ANKRD13C: variants seen among roughly 807,000 people sequenced by gnomAD.
ANKRD13C encodes the protein ankyrin repeat domain-containing protein 13C.
A neutral mutation model predicts 65.5 loss-of-function variants in ANKRD13C; 16 were observed. The observed-to-expected ratio is 0.24, with a 90% CI of 0.17 to 0.37. The LOEUF (loss-of-function observed/expected upper bound fraction) is 0.37. ANKRD13C is among the 10% of genes least tolerant of loss of function. The probability of loss-of-function intolerance (pLI) is 1.00; values close to 1 mark genes in which losing one functional copy is unlikely to be tolerated. For synonymous variants in ANKRD13C, 235 were observed against 238.7 expected, an observed-to-expected ratio of 0.98 and a Z score of 0.14; for missense variants, 503 against 655.9, an observed-to-expected ratio of 0.77 and a Z score of 2.55.
rs1041578904 is a variant in ANKRD13C at position 70,342,654 on chromosome 1, T to C, written c.431-6555A>G. Among the ~76,000 whole-genome samples the C allele has an allele frequency of 2.0e-5, 3 of 151,932 alleles. No homozygotes were observed. In the East Asian group the frequency reaches 5.8e-4, roughly 29 times the overall value. On this transcript the variant is annotated intron_variant, in intron 1 of 12. Coordinates refer to ENST00000370944, the MANE Select transcript of ANKRD13C (RefSeq NM_030816.5). The stretch of plus-strand genomic sequence containing the variant: ...GCAATAGTGGAAGAGGTAGCAATAG[T>C]TCCCTTTCTTCACTTCTCTATCTTT...
intron 6 of ANKRD13C, among the ~76,000 whole-genome samples, chr1:70,301,880 A>G (rs1680371902): frequency 6.6e-6 from 1 of 152,228 alleles, no homozygotes; most frequent in African/African-American, 2.4e-5. Flanking sequence ...ATGGCTGCTC[A>G]AAACACACAG....
At chr1:70,313,670 C>G (rs918174004) in intron 5 of ANKRD13C, 75 bp downstream of exon 5, 8 of 1,095,844 alleles carry the variant, frequency 7.3e-6, no homozygotes, top group Middle Eastern at 2.0e-4. Flanking sequence ...CCTAACATTT[C>G]TATATGATAG....
rs547565855 is a variant in ANKRD13C, at chr1:70,323,000, A to AC, written c.577+1852_577+1853insG. The stretch of plus-strand genomic sequence containing the variant: ...AAGGGTGGAACTCCGTCTCAAAAAA[A>AC]AAAAGAATAATTGAAAGTCACAAAA... On this transcript the variant is annotated intron_variant, in intron 3 of 12. Coordinates refer to ENST00000370944, the MANE Select transcript of ANKRD13C (RefSeq NM_030816.5). Among the ~76,000 whole-genome samples the AC allele has an allele frequency of 5.3e-3, 802 of 152,300 alleles. 9 individuals carry two copies. Among genetic ancestry groups the AC allele is most frequent in the African/African-American group, 0.019 (775 of 41,576 alleles).
chr1:70,302,026 G>A (rs1346795128), intron 6 of ANKRD13C, among the ~76,000 whole-genome samples: 1 of 152,152 alleles, frequency 6.6e-6, no homozygotes, highest in African/African-American at 2.4e-5. Flanking sequence ...TCATTACTCT[G>A]TAGGTTTTTC....
At chr1:70,323,865 C>G (rs1019335965) in intron 3 of ANKRD13C, among the ~76,000 whole-genome samples, 5 of 151,394 alleles carry the variant, frequency 3.3e-5, no homozygotes, top group African/African-American at 1.2e-4. Flanking sequence ...GCTGAGATTA[C>G]AGGTGCCCAC....
chr1:70,348,975 G>A (rs1558318184), intron 1 of ANKRD13C, among the ~76,000 whole-genome samples: 4 of 152,120 alleles, frequency 2.6e-5, no homozygotes, highest in Non-Finnish European at 5.9e-5. Context: ...CTTTCATCAC[G>A]TTGGCACCTA....
intron 2 of ANKRD13C, among the ~76,000 whole-genome samples, chr1:70,325,959 C>T (rs1204771411): frequency 6.6e-6 from 1 of 152,072 alleles, no homozygotes. Context: ...ACGCCGGGCA[C>T]AGTGGCTCAT....
intron 12 of ANKRD13C, among the ~76,000 whole-genome samples, chr1:70,269,301 T>C (rs1019232119): frequency 7.2e-5 from 11 of 152,224 alleles, no homozygotes; most frequent in Non-Finnish European, 1.5e-4. Flanking sequence ...GACTTTTTTC[T>C]TCTCATATAA....
chr1:70,261,271 C>T lies in ANKRD13C; in HGVS notation c.*1446G>A, dbSNP rs529960358. 11 of 151,920 alleles carry T rather than the reference C, an allele frequency of 7.2e-5. No homozygotes were observed. Among genetic ancestry groups the T allele is most frequent in the Non-Finnish European group, 1.6e-4 (11 of 67,912 alleles). 9.4% of individuals were successfully genotyped at this position (151,920 alleles called of 1,614,324 possible). A position where few individuals can be genotyped will look rare whatever the true frequency, so the allele number is the denominator to read the frequency against. On this transcript the variant is annotated 3_prime_UTR_variant, in exon 13 of 13. Coordinates refer to ENST00000370944, the MANE Select transcript of ANKRD13C (RefSeq NM_030816.5). ...AGATGTTTATTTAAAATTTTTCTTACGGTTTATGCTTTGGATTTTTAAATC... is the reference window on the plus strand; with the variant it reads ...AGATGTTTATTTAAAATTTTTCTTATGGTTTATGCTTTGGATTTTTAAATC...
intron 3 of ANKRD13C, among the ~76,000 whole-genome samples, chr1:70,320,892 C>G (rs1036809709): frequency 1.3e-5 from 2 of 151,906 alleles, no homozygotes; most frequent in African/African-American, 4.8e-5. Context: ...CAGGGTCAAG[C>G]AATCCTCCCA....
In ANKRD13C at chr1:70,283,793, G is replaced by C. The variant is rs547657741; in HGVS notation, c.1216-6949C>G. On this transcript the variant is annotated intron_variant, in intron 9 of 12. Coordinates refer to ENST00000370944, the MANE Select transcript of ANKRD13C (RefSeq NM_030816.5). ...ATTGCACTCCAGCCTGGGCAACAGA[G>C]CAAGAGCGAGACTCCATCTCAAAAA... Among the ~76,000 whole-genome samples the C allele has an allele frequency of 2.0e-5, 3 of 151,922 alleles. No individual in the cohort carries two copies. In the South Asian group the frequency reaches 6.2e-4, roughly 32 times the overall value.
intron 1 of ANKRD13C, among the ~76,000 whole-genome samples, chr1:70,347,999 T>C (rs867111233): frequency 4.6e-5 from 7 of 152,200 alleles, no homozygotes; most frequent in Middle Eastern, 3.2e-3. Flanking sequence ...ACTACTAATG[T>C]TCTTTTAAAC....
chr1:70,264,319 T>C (rs1299662379), intron 12 of ANKRD13C, among the ~76,000 whole-genome samples: 1 of 151,292 alleles, frequency 6.6e-6, no homozygotes, highest in East Asian at 1.9e-4. Context: ...CTAACAAAAA[T>C]ACAAAAATTA....
In ANKRD13C at chr1:70,298,427, A is replaced by G. The variant is rs187075420; in HGVS notation, c.922-2166T>C. Among the ~76,000 whole-genome samples, 497 of 152,262 alleles carry G rather than the reference A, an allele frequency of 3.3e-3. 2 individuals carry two copies. The highest frequency in any genetic ancestry group is 0.011 in the African/African-American group (463 of 41,550). On this transcript the variant is annotated intron_variant, in intron 7 of 12. Transcript: ENST00000370944. ...ACAACAAGTATTCTCTGCCCTAAGG[A>G]ATACTGCTCAAAATTTATCTTTCCT...
chr1:70,293,035 C>T (rs1360268413), intron 8 of ANKRD13C, among the ~76,000 whole-genome samples: 3 of 152,126 alleles, frequency 2.0e-5, no homozygotes, highest in Admixed American at 1.3e-4. Context: ...GAATTAATGA[C>T]CTGTTCACAT....
chr1:70,276,353 G>T (rs1679134075), intron 10 of ANKRD13C, among the ~76,000 whole-genome samples: 1 of 152,098 alleles, frequency 6.6e-6, no homozygotes, highest in Non-Finnish European at 1.5e-5. Flanking sequence ...AGCTTGGAAA[G>T]GCAAAAAGAA....
chr1:70,261,715 T>C lies in ANKRD13C; in HGVS notation c.*1002A>G, dbSNP rs970653704. The C allele has an allele frequency of 6.6e-6, 1 of 152,536 alleles. No homozygotes were observed. The highest frequency in any genetic ancestry group is 6.6e-5 in the Admixed American group (1 of 15,258). 9.4% of individuals were successfully genotyped at this position (152,536 alleles called of 1,614,324 possible). A position where few individuals can be genotyped will look rare whatever the true frequency, so the allele number is the denominator to read the frequency against. On this transcript the variant is annotated 3_prime_UTR_variant, in exon 13 of 13. Transcript: ENST00000370944. ...GCATATAAAATGTTTTTATCTTATT[T>C]TGAAAGGATTAAATATGTAGGGTTG...
chr1:70,345,384 G>A (rs752736239), intron 1 of ANKRD13C, among the ~76,000 whole-genome samples: 92 of 151,346 alleles, frequency 6.1e-4, no homozygotes, highest in Non-Finnish European at 1.0e-3. Flanking sequence ...AGCCGAAATC[G>A]CACCATTGCA....
At chr1:70,322,449 A>G (rs1233139911) in intron 3 of ANKRD13C, among the ~76,000 whole-genome samples, 1 of 152,224 alleles carries the variant, frequency 6.6e-6, no homozygotes, top group Non-Finnish European at 1.5e-5. Flanking sequence ...GATATTATTT[A>G]GAATGGCTAA....
Sources: gnomAD v4.1 joint callset for allele counts (sites outside exome capture counted in the v4.1 genomes callset) on GRCh38, gnomAD v4.1.1 for gene constraint, MANE v1.5 for transcripts, NCBI Gene and HGNC (gene_info 2026-07-23, HGNC 2026-07-21) for gene names.